MAD1L1: variants seen among roughly 807,000 people sequenced by gnomAD.
MAD1L1 encodes the protein mitotic spindle assembly checkpoint protein MAD1.
MAD1L1 carries 95 observed loss-of-function variants against 96.9 expected under a neutral mutation model. The observed-to-expected ratio is 0.98, with a 90% confidence interval of 0.83 to 1.16. MAD1L1 has a LOEUF of 1.16. Among genes scored for constraint, MAD1L1 ranks in the 50% most tolerant of loss-of-function variants. The pLI, the probability that MAD1L1 is intolerant of heterozygous loss-of-function variation, is 0.00. For missense variants in MAD1L1, 1,007 were observed against 954.4 expected, an observed-to-expected ratio of 1.06 and a Z score of -0.73; for synonymous variants, 473 against 396.6, an observed-to-expected ratio of 1.19 and a Z score of -2.29.
At chr7:1,851,057 G>C (rs1011065716) in intron 18 of MAD1L1, among the ~76,000 whole-genome samples, 7 of 152,230 alleles carry the variant, frequency 4.6e-5, no homozygotes, top group African/African-American at 1.2e-4. Flanking sequence ...GAGCCAACAA[G>C]GTGGCAGGGA....
intron 12 of MAD1L1, among the ~76,000 whole-genome samples, chr7:2,055,728 C>T (rs925355997): frequency 6.6e-6 from 1 of 151,318 alleles, no homozygotes; most frequent in East Asian, 1.9e-4. Context: ...GCTGTAATCC[C>T]AGCACTTTGG....
At chr7:1,927,759 G>C (rs1789171186) in intron 17 of MAD1L1, among the ~76,000 whole-genome samples, 1 of 152,132 alleles carries the variant, frequency 6.6e-6, no homozygotes, top group Non-Finnish European at 1.5e-5. Context: ...AATATGTTTG[G>C]CCTGGAGTTA....
At chr7:1,903,975 T>C (rs1186863478) in intron 17 of MAD1L1, among the ~76,000 whole-genome samples, 1 of 122,650 alleles carries the variant, frequency 8.2e-6, no homozygotes, top group Non-Finnish European at 1.8e-5. Flanking sequence ...GAACTCATGA[T>C]TGATGAAGCA....
chr7:2,039,157 G>C (rs534417109), intron 12 of MAD1L1, among the ~76,000 whole-genome samples: 1 of 152,190 alleles, frequency 6.6e-6, no homozygotes, highest in African/African-American at 2.4e-5. Context: ...TCTTCGCTCC[G>C]CTAAACTCCC....
Position 2,103,643 on chromosome 7 carries a change from G to A in MAD1L1, c.1074-34305C>T, listed in dbSNP as rs1786934240. ...AGCCGGGCAGCACAGCCAGAACACTGAGACTCGATCCCACAGGGGAGAAGG... is the reference window on the plus strand; with the variant it reads ...AGCCGGGCAGCACAGCCAGAACACTAAGACTCGATCCCACAGGGGAGAAGG... On this transcript the variant is annotated intron_variant, in intron 11 of 18. Coordinates refer to ENST00000265854, the MANE Select transcript of MAD1L1 (RefSeq NM_001013836.2). The surrounding 1 kb of genome is among the most constrained non-coding windows in gnomAD (Gnocchi z 4.3). Among the ~76,000 whole-genome samples, 1 of 152,202 alleles carries A rather than the reference G, an allele frequency of 6.6e-6. No homozygotes were observed. The highest frequency in any genetic ancestry group is 1.5e-5 in the Non-Finnish European group (1 of 68,030).
rs1386484904 is a variant in MAD1L1, at chr7:2,225,436, C to T, written c.265G>A (p.Ala89Thr). The change falls in exon 4 of 19, where the codon GCC becomes ACC. Residue 89 changes from alanine (A) to threonine (T), a missense_variant. Ala to Thr is a moderately conservative substitution (Grantham distance 58). Transcript: ENST00000265854. Reference sequence around the variant, plus strand: ...TCGTAGTTCCTGGCACTGGTGCTGGCTGCTCTCTCCAGCTCCACTCGAGCC... The same window carrying T: ...TCGTAGTTCCTGGCACTGGTGCTGGTTGCTCTCTCCAGCTCCACTCGAGCC... Reference protein sequence around the residue: ...KRARVELERAASTSARNYERE... With the variant: ...KRARVELERATSTSARNYERE... 1 of 1,613,608 alleles carries T rather than the reference C, an allele frequency of 6.2e-7. No individual in the cohort carries two copies. Among genetic ancestry groups the T allele is most frequent in the Admixed American group, 1.7e-5 (1 of 60,010 alleles).
chr7:2,165,089 A>G (rs1444132939), intron 10 of MAD1L1, among the ~76,000 whole-genome samples: 1 of 152,040 alleles, frequency 6.6e-6, no homozygotes, highest in Non-Finnish European at 1.5e-5. Flanking sequence ...CTGTCATCCC[A>G]GCTATTCTGG....
At chr7:1,970,421 C>T (rs1780354051) in intron 15 of MAD1L1, among the ~76,000 whole-genome samples, 1 of 150,128 alleles carries the variant, frequency 6.7e-6, no homozygotes, top group Admixed American at 6.7e-5. Flanking sequence ...GCAACCTCCA[C>T]CTCCCAGGTT....
chr7:1,948,174 C>G (rs1347583075), intron 16 of MAD1L1, among the ~76,000 whole-genome samples: 1 of 152,112 alleles, frequency 6.6e-6, no homozygotes, highest in Non-Finnish European at 1.5e-5. Context: ...GGGCGGAGCC[C>G]CTGGAGGCCC....
intron 16 of MAD1L1, 39 bp downstream of exon 16, chr7:1,957,590 C>T: frequency 6.3e-7 from 1 of 1,595,696 alleles, no homozygotes; most frequent in Non-Finnish European, 8.6e-7. Flanking sequence ...AAATGAGAGG[C>T]CCAGGCAGTG....
At chr7:1,888,012 C>T (rs1237605835) in intron 18 of MAD1L1, among the ~76,000 whole-genome samples, 5 of 148,056 alleles carry the variant, frequency 3.4e-5, no homozygotes, top group African/African-American at 7.5e-5. Context: ...GCTGCCTGTA[C>T]GTGTGTGTGC....
At chr7:2,163,620 G>A (rs1407821407) in intron 10 of MAD1L1, among the ~76,000 whole-genome samples, 2 of 152,116 alleles carry the variant, frequency 1.3e-5, no homozygotes, top group Admixed American at 6.5e-5. Context: ...TGATCCGCCC[G>A]CCTTGGCCTC....
intron 12 of MAD1L1, among the ~76,000 whole-genome samples, chr7:2,062,856 T>A (rs1562650850): frequency 6.6e-6 from 1 of 151,944 alleles, no homozygotes; most frequent in Non-Finnish European, 1.5e-5. Flanking sequence ...ACCCACTCCC[T>A]GCACACAGCA....
At chr7:2,174,164 C>T (rs968070123) in intron 10 of MAD1L1, among the ~76,000 whole-genome samples, 1 of 152,144 alleles carries the variant, frequency 6.6e-6, no homozygotes, top group Non-Finnish European at 1.5e-5. Flanking sequence ...TCCATTGTGC[C>T]TTTAGTCTGC....
At chr7:2,056,658 C>T (rs574702260) in intron 12 of MAD1L1, among the ~76,000 whole-genome samples, 2 of 152,212 alleles carry the variant, frequency 1.3e-5, no homozygotes, top group Admixed American at 6.5e-5. Context: ...CGGGCTCCCA[C>T]CCAGCGCCCA....
chr7:2,190,848 G>A (rs758808891), intron 10 of MAD1L1, among the ~76,000 whole-genome samples: 5 of 152,118 alleles, frequency 3.3e-5, no homozygotes, highest in Non-Finnish European at 4.4e-5. Context: ...AGCTCGGGAT[G>A]TGGGGCCAGC....
At chr7:1,898,511 C>G (rs1406571510) in intron 17 of MAD1L1, 121 bp from the exon 18 acceptor site, 7 of 747,140 alleles carry the variant, frequency 9.4e-6, no homozygotes, top group Admixed American at 2.5e-5. Flanking sequence ...CCCAGGGACA[C>G]AGCAAGCCCC....
At chr7:2,139,268 AC>A (rs1584410501) in intron 11 of MAD1L1, among the ~76,000 whole-genome samples, 1 of 152,024 alleles carries the variant, frequency 6.6e-6, no homozygotes, top group East Asian at 1.9e-4. Flanking sequence ...CTCTCAGCCA[AC>A]CCATGGGAGC....
intron 3 of MAD1L1, among the ~76,000 whole-genome samples, chr7:2,229,275 G>A (rs1794074223): frequency 6.6e-6 from 1 of 152,044 alleles, no homozygotes; most frequent in South Asian, 2.1e-4. Context: ...CCCAGGCAAG[G>A]CTGGAGACAC....
Sources: gnomAD v4.1 joint callset for allele counts (sites outside exome capture counted in the v4.1 genomes callset) on GRCh38, gnomAD v4.1.1 for gene constraint, Gnocchi (gnomAD v3.1) non-coding constraint, MANE v1.5 for transcripts, NCBI Gene and HGNC (gene_info 2026-07-23, HGNC 2026-07-21) for gene names.